The following BANK1 variants were observed in gnomAD, a reference collection of about 807,000 sequenced individuals.
The protein encoded by BANK1 is B-cell scaffold protein with ankyrin repeats.
In BANK1, 95 loss-of-function variants were observed where a neutral mutation model predicts 94.5. The ratio of observed to expected loss-of-function variants is 1.00; its 90% CI spans 0.85 to 1.19. BANK1 has a LOEUF of 1.19. Ranked by LOEUF, BANK1 falls within the 50% of genes most tolerant of loss-of-function variation. The pLI is 0.00. For synonymous variants in BANK1, 334 were observed against 308.4 expected (o/e 1.08, Z -0.87); for missense variants, 987 against 932.2 (o/e 1.06, Z -0.77).
At chr4:101,792,467 GTGT>G (rs201624232) in intron 1 of BANK1, among the ~76,000 whole-genome samples, 42,573 of 93,510 alleles carry the variant, frequency 0.46, 7,498 homozygotes, top group Non-Finnish European at 0.57. Context: ...GTGTGTGTGT[GTGT>G]TTTTTTTTTT....
intron 7 of BANK1, among the ~76,000 whole-genome samples, chr4:101,951,597 AAAC>A (rs1394610986): frequency 6.6e-6 from 1 of 152,136 alleles, no homozygotes; most frequent in Non-Finnish European, 1.5e-5. Flanking sequence ...TTTGTAAGAA[AAAC>A]AAATCCTTAG....
At position 102,053,662 on chromosome 4, in the gene BANK1, G is replaced by T. The variant is rs1288546400; in HGVS notation, c.1970-6549G>T. ...AATGAGGAATTAAACAAAATAAAAA[G>T]CTTAAAAAGAAATTACATTATTAAA... On this transcript the variant is annotated intron_variant, in intron 11 of 16. Transcript: ENST00000322953. 3.3e-5 allele frequency among the ~76,000 whole-genome samples: 5 copies of T among 151,290 alleles called. No individual in the cohort carries two copies. In the East Asian group the frequency reaches 7.7e-4, roughly 23 times the overall value.
intron 5 of BANK1, 100 bp downstream of exon 5, chr4:101,870,744 A>G: frequency 7.5e-7 from 1 of 1,334,956 alleles, no homozygotes; most frequent in Non-Finnish European, 1.0e-6. Flanking sequence ...TGTGGATTGA[A>G]TAACAGTGAA....
At chr4:101,912,319 T>A (rs1479689568) in intron 6 of BANK1, among the ~76,000 whole-genome samples, 2 of 152,124 alleles carry the variant, frequency 1.3e-5, no homozygotes, top group Admixed American at 1.3e-4. Flanking sequence ...TAGTTATTTT[T>A]AAAAATCTTA....
intron 7 of BANK1, among the ~76,000 whole-genome samples, chr4:102,002,544 TACACACACACACACAC>T (rs10559889): frequency 2.7e-5 from 4 of 148,138 alleles, no homozygotes; most frequent in South Asian, 2.1e-4. Context: ...TTAATACAAA[TACACACACACACACAC>T]ACACACACAC....
At chr4:101,969,415 A>G (rs764573049) in intron 7 of BANK1, among the ~76,000 whole-genome samples, 3 of 152,134 alleles carry the variant, frequency 2.0e-5, no homozygotes, top group Non-Finnish European at 4.4e-5. Flanking sequence ...AACACTTGAT[A>G]AAAGTGAAGT....
chr4:102,051,111 A>G (rs1472509606), intron 11 of BANK1, among the ~76,000 whole-genome samples: 2 of 152,182 alleles, frequency 1.3e-5, no homozygotes, highest in Middle Eastern at 3.2e-3. Context: ...AAATAATAAA[A>G]TTGTCTAGAA....
intron 5 of BANK1, among the ~76,000 whole-genome samples, chr4:101,873,641 G>A (rs1383700879): frequency 6.6e-6 from 1 of 152,116 alleles, no homozygotes; most frequent in Non-Finnish European, 1.5e-5. Context: ...AATCTGAATG[G>A]TTTAATTATC....
At chr4:101,912,726 C>A (rs752715333) in intron 6 of BANK1, among the ~76,000 whole-genome samples, 1 of 151,244 alleles carries the variant, frequency 6.6e-6, no homozygotes, top group Non-Finnish European at 1.5e-5. Context: ...TTCTCATATT[C>A]CATTTTCATT....
At chr4:101,853,037 G>A (rs1484445669) in intron 2 of BANK1, among the ~76,000 whole-genome samples, 4 of 152,064 alleles carry the variant, frequency 2.6e-5, no homozygotes, top group Non-Finnish European at 5.9e-5. Flanking sequence ...ATTTGTGTAT[G>A]TCTATGTGTG....
intron 5 of BANK1, among the ~76,000 whole-genome samples, chr4:101,881,587 A>G (rs1292163069): frequency 1.3e-5 from 2 of 152,224 alleles, no homozygotes; most frequent in African/African-American, 2.4e-5. Context: ...AAGAAAGGAA[A>G]TCAGTATATC....
chr4:102,072,433 G>A (rs1560721064), intron 15 of BANK1, 33 bp downstream of exon 15: 5 of 1,466,576 alleles, frequency 3.4e-6, no homozygotes, highest in Non-Finnish European at 4.7e-6. Flanking sequence ...TCTATAAAAT[G>A]CAAAGAAATA....
intron 11 of BANK1, among the ~76,000 whole-genome samples, chr4:102,052,554 G>A (rs1015776747): frequency 2.6e-5 from 4 of 152,062 alleles, no homozygotes; most frequent in African/African-American, 4.8e-5. Context: ...AATGAGTAAG[G>A]TTGCCAGATA....
intron 11 of BANK1, among the ~76,000 whole-genome samples, chr4:102,048,541 A>G (rs1727953334): frequency 6.6e-6 from 1 of 152,174 alleles, no homozygotes; most frequent in Non-Finnish European, 1.5e-5. Context: ...AGCAGTACAT[A>G]CTTCACCAGT....
At chr4:101,857,073 A>C (rs1727705239) in intron 3 of BANK1, among the ~76,000 whole-genome samples, 1 of 152,198 alleles carries the variant, frequency 6.6e-6, no homozygotes, top group Non-Finnish European at 1.5e-5. Context: ...GACAACTTTC[A>C]GCCTATGTCA....
At chr4:101,976,234 C>T (rs571674977) in intron 7 of BANK1, among the ~76,000 whole-genome samples, 1 of 152,214 alleles carries the variant, frequency 6.6e-6, no homozygotes, top group African/African-American at 2.4e-5. Context: ...TGGATCTATA[C>T]TTCAATGCCA....
At chr4:101,981,781 G>T (rs879801179) in intron 7 of BANK1, 10 of 152,076 alleles carry the variant, frequency 6.6e-5, no homozygotes, top group Admixed American at 6.6e-4. Flanking sequence ...GATATTCAGT[G>T]AGTCAGCTTT....
chr4:101,888,598 C>G (rs11930376), intron 5 of BANK1, among the ~76,000 whole-genome samples: 1 of 151,962 alleles, frequency 6.6e-6, no homozygotes. Flanking sequence ...AAGTTAGAAT[C>G]TTTATTTACC....
intron 7 of BANK1, among the ~76,000 whole-genome samples, chr4:101,936,026 C>T (rs753181569): frequency 4.6e-5 from 7 of 151,176 alleles, no homozygotes; most frequent in East Asian, 3.9e-4. Context: ...GAGTAAACCC[C>T]GCACAGACAA....
Sources: gnomAD v4.1 joint callset for allele counts (sites outside exome capture counted in the v4.1 genomes callset) on GRCh38, gnomAD v4.1.1 for gene constraint, MANE v1.5 for transcripts, NCBI Gene and HGNC (gene_info 2026-07-23, HGNC 2026-07-21) for gene names.